The following CNTN5 variants were observed in gnomAD, a reference collection of about 807,000 sequenced individuals.
The protein encoded by CNTN5 is contactin 5.
Under a neutral mutation model 129.1 loss-of-function variants are expected in CNTN5, and 77 were observed. That is an observed-to-expected ratio of 0.60 (90% CI 0.50 to 0.72). The LOEUF is 0.72. CNTN5 is among the 30% of genes least tolerant of loss of function. CNTN5 has a pLI of 0.00. For synonymous variants in CNTN5, 509 were observed against 465.6 expected, an observed-to-expected ratio of 1.09 and a Z score of -1.20; for missense variants, 1,478 against 1,328.8, an observed-to-expected ratio of 1.11 and a Z score of -1.75.
At chr11:99,688,154 G>C (rs188602016) in intron 3 of CNTN5, among the ~76,000 whole-genome samples, 12 of 152,212 alleles carry the variant, frequency 7.9e-5, no homozygotes, top group Admixed American at 7.9e-4. Flanking sequence ...TGAGTTAAAG[G>C]AAACAGAGTA....
In CNTN5 at chr11:99,358,255, A is replaced by ATTT. The variant is rs1186386021; in HGVS notation, c.-71+32789_-71+32791dup. 9.3e-3 allele frequency among the ~76,000 whole-genome samples: 436 copies of ATTT among 46,918 alleles called. 66 individuals carry two copies. The East Asian group carries it at 0.18, about 20-fold the overall frequency. 30.8% of individuals were successfully genotyped at this position (46,918 alleles called of 152,430 possible). A position where few individuals can be genotyped will look rare whatever the true frequency, so the allele number is the denominator to read the frequency against. On this transcript the variant is annotated intron_variant, in intron 2 of 24. Transcript: ENST00000524871. ...AGGCGCCCGCCACCACGCCCTGCTG[A>ATTT]TTTTTTTTTTTTTTTTTTTTAGTAG...
intron 1 of CNTN5, among the ~76,000 whole-genome samples, chr11:99,278,370 T>G (rs1240889693): frequency 1.3e-5 from 2 of 151,634 alleles, no homozygotes; most frequent in Non-Finnish European, 3.0e-5. Context: ...AATATAAAAT[T>G]CAAGTTTGTC....
chr11:100,044,657 C>T (rs909227242), intron 9 of CNTN5, among the ~76,000 whole-genome samples: 3 of 151,764 alleles, frequency 2.0e-5, no homozygotes, highest in African/African-American at 7.3e-5. Flanking sequence ...ATATTCTTCA[C>T]TCACTTTTTG....
At chr11:99,384,927 T>C (rs571767915) in intron 2 of CNTN5, among the ~76,000 whole-genome samples, 1 of 152,278 alleles carries the variant, frequency 6.6e-6, no homozygotes, top group East Asian at 1.9e-4. Flanking sequence ...TTATATAAAT[T>C]ATTATTAATA....
intron 9 of CNTN5, among the ~76,000 whole-genome samples, chr11:100,014,031 T>C (rs185401876): frequency 6.6e-6 from 1 of 152,278 alleles, no homozygotes; most frequent in Admixed American, 6.5e-5. Context: ...TAGAGAAAGA[T>C]CAATTTAGAA....
chr11:99,650,470 A>T (rs2135877816), intron 3 of CNTN5, among the ~76,000 whole-genome samples: 1 of 152,054 alleles, frequency 6.6e-6, no homozygotes, highest in South Asian at 2.1e-4. Flanking sequence ...CTTTTGTGGG[A>T]TAGGCTACTC....
chr11:100,109,898 G>A (rs2138108937), intron 13 of CNTN5, among the ~76,000 whole-genome samples: 1 of 152,226 alleles, frequency 6.6e-6, no homozygotes, highest in African/African-American at 2.4e-5. Flanking sequence ...GCAAAACATA[G>A]CCATGTGTGG....
intron 18 of CNTN5, among the ~76,000 whole-genome samples, chr11:100,285,970 T>A (rs919036308): frequency 1.6e-4 from 25 of 152,220 alleles, no homozygotes; most frequent in Admixed American, 7.2e-4. Context: ...GGGAGCTCCC[T>A]TTCCGAGTCA....
At chr11:99,137,126 T>C (rs1859269498) in intron 1 of CNTN5, among the ~76,000 whole-genome samples, 1 of 152,152 alleles carries the variant, frequency 6.6e-6, no homozygotes, top group African/African-American at 2.4e-5. Context: ...TCACTTGACA[T>C]TTCACTTTAC....
Position 99,658,406 on chromosome 11 carries a change from T to C in CNTN5, c.55+102137T>C, listed in dbSNP as rs908206472. Among the ~76,000 whole-genome samples the C allele has an allele frequency of 9.2e-5, 14 of 152,208 alleles. 1 individual carries two copies. Among genetic ancestry groups the C allele is most frequent in the African/African-American group, 3.4e-4 (14 of 41,562 alleles). On this transcript the variant is annotated intron_variant, in intron 3 of 24. Transcript: ENST00000524871. ...CTTCGTGTAGGCTGTCTGGAGAATA[T>C]AAAATTAGAACTAAAATTTTATATT...
chr11:100,228,584 T>C (rs1949428047), intron 16 of CNTN5, among the ~76,000 whole-genome samples: 1 of 152,190 alleles, frequency 6.6e-6, no homozygotes, highest in African/African-American at 2.4e-5. Context: ...GTAAAATCAT[T>C]AAAATTTTGG....
At chr11:99,233,022 G>A (rs191690548) in intron 1 of CNTN5, among the ~76,000 whole-genome samples, 13 of 152,310 alleles carry the variant, frequency 8.5e-5, no homozygotes, top group Admixed American at 4.6e-4. Flanking sequence ...TTCAGCCGAG[G>A]AGAGGTTAGT....
intron 1 of CNTN5, among the ~76,000 whole-genome samples, chr11:99,040,463 A>T (rs1356834525): frequency 2.0e-5 from 3 of 152,152 alleles, no homozygotes; most frequent in Non-Finnish European, 2.9e-5. Flanking sequence ...ACTTGAGAAT[A>T]TTTGTTGCAC....
At chr11:100,231,376 T>C (rs1447107339) in intron 16 of CNTN5, among the ~76,000 whole-genome samples, 2 of 151,596 alleles carry the variant, frequency 1.3e-5, no homozygotes, top group African/African-American at 4.8e-5. Flanking sequence ...CAGGAAGGGG[T>C]GTGTATATAT....
chr11:99,963,059 C>G (rs1388278745), intron 8 of CNTN5, among the ~76,000 whole-genome samples: 1 of 152,076 alleles, frequency 6.6e-6, no homozygotes, highest in African/African-American at 2.4e-5. Flanking sequence ...TGGATATTAG[C>G]CCTTTGTCAG....
intron 1 of CNTN5, among the ~76,000 whole-genome samples, chr11:99,203,718 C>T (rs1408193206): frequency 1.3e-5 from 2 of 152,000 alleles, no homozygotes; most frequent in African/African-American, 4.8e-5. Flanking sequence ...AGTGATAGGC[C>T]TCCCGAGTAG....
At chr11:100,349,534 T>A (rs1346780780) in intron 23 of CNTN5, among the ~76,000 whole-genome samples, 1 of 151,898 alleles carries the variant, frequency 6.6e-6, no homozygotes, top group East Asian at 1.9e-4. Flanking sequence ...TACAGTAGAA[T>A]AAATTGAAGT....
intron 17 of CNTN5, among the ~76,000 whole-genome samples, chr11:100,266,683 A>G (rs1313362381): frequency 1.4e-5 from 2 of 147,002 alleles, no homozygotes; most frequent in Admixed American, 6.8e-5. Flanking sequence ...TGGAAAGGAT[A>G]TGGACTTGGA....
intron 8 of CNTN5, among the ~76,000 whole-genome samples, chr11:99,975,697 T>G (rs1166536073): frequency 1.3e-5 from 2 of 151,998 alleles, no homozygotes; most frequent in Non-Finnish European, 2.9e-5. Flanking sequence ...TCATGAGAAC[T>G]CTACCACCCC....
Sources: allele counts gnomAD v4.1 joint callset (sites outside exome capture counted in the v4.1 genomes callset), GRCh38; gene constraint gnomAD v4.1.1; transcripts MANE v1.5; gene names NCBI Gene and HGNC (gene_info 2026-07-23, HGNC 2026-07-21).